NELL1: variants seen among roughly 807,000 people sequenced by gnomAD.
NELL1 encodes the protein protein kinase C-binding protein NELL1.
A neutral mutation model predicts 107.4 loss-of-function variants in NELL1; 76 were observed. The observed-to-expected ratio is 0.71, with a 90% confidence interval of 0.59 to 0.86. NELL1 has a LOEUF of 0.86. Ranked by LOEUF, NELL1 falls within the 40% of genes least tolerant of loss-of-function variation. The pLI is 0.00. For missense variants in NELL1, 1,024 were observed against 1,005.5 expected (o/e 1.02, Z -0.25); for synonymous variants, 353 against 341.2 (o/e 1.03, Z -0.38).
chr11:21,006,735 TA>T (rs1852335507), intron 12 of NELL1, among the ~76,000 whole-genome samples: 1 of 152,110 alleles, frequency 6.6e-6, no homozygotes, highest in Admixed American at 6.6e-5. Flanking sequence ...ACATCATGTT[TA>T]TCTGAGAGCT....
chr11:20,879,734 T>A (rs1312560927), intron 4 of NELL1, among the ~76,000 whole-genome samples: 1 of 152,306 alleles, frequency 6.6e-6, no homozygotes, highest in African/African-American at 2.4e-5. Flanking sequence ...AATAAAACTT[T>A]TATAAATGTC....
intron 14 of NELL1, among the ~76,000 whole-genome samples, chr11:21,338,582 A>T (rs1297387582): frequency 6.6e-6 from 1 of 152,102 alleles, no homozygotes; most frequent in African/African-American, 2.4e-5. Context: ...TTTCATGAGG[A>T]TTTACCCCAG....
chr11:21,055,940 G>T (rs113504400), intron 12 of NELL1, among the ~76,000 whole-genome samples: 58 of 152,270 alleles, frequency 3.8e-4, no homozygotes, highest in African/African-American at 1.3e-3. Context: ...CTTCCACTCT[G>T]TATACTTTGG....
intron 15 of NELL1, among the ~76,000 whole-genome samples, chr11:21,523,090 G>A (rs991141594): frequency 1.4e-4 from 21 of 151,762 alleles, no homozygotes; most frequent in East Asian, 3.9e-4. Flanking sequence ...CTCGTGATCC[G>A]CCCGCCTCGG....
In NELL1 at chr11:21,041,305, C is replaced by T. The variant is rs190922043; in HGVS notation, c.1301-72284C>T. 1.5e-4 allele frequency among the ~76,000 whole-genome samples: 23 copies of T among 152,236 alleles called. No homozygotes were observed. The East Asian group carries it at 4.1e-3, about 27-fold the overall frequency. The stretch of plus-strand genomic sequence containing the variant: ...GCGTAGTCGCTTTGAGTTAACACAA[C>T]ATAGTTAATTGTTAATAAAAATAGT... On this transcript the variant is annotated intron_variant, in intron 12 of 19. Coordinates refer to ENST00000357134, the MANE Select transcript of NELL1 (RefSeq NM_006157.5).
chr11:21,207,960 T>C (rs1227503234), intron 13 of NELL1, among the ~76,000 whole-genome samples: 1 of 152,212 alleles, frequency 6.6e-6, no homozygotes, highest in Non-Finnish European at 1.5e-5. Flanking sequence ...ACATAGATCA[T>C]AAAAAGGTTA....
chr11:21,530,504 T>G (rs1490130723), intron 15 of NELL1, among the ~76,000 whole-genome samples: 1 of 152,114 alleles, frequency 6.6e-6, no homozygotes, highest in Non-Finnish European at 1.5e-5. Context: ...CCTTGGGTAT[T>G]CGTCTGTTTC....
intron 15 of NELL1, among the ~76,000 whole-genome samples, chr11:21,440,400 T>C (rs924658206): frequency 5.9e-5 from 9 of 152,146 alleles, no homozygotes; most frequent in African/African-American, 1.9e-4. Context: ...GTTAGTTAAT[T>C]AAAGTATTTA....
chr11:21,027,998 G>T (rs1852859779), intron 12 of NELL1, among the ~76,000 whole-genome samples: 1 of 152,104 alleles, frequency 6.6e-6, no homozygotes, highest in African/African-American at 2.4e-5. Context: ...AAAAAGTTAG[G>T]TGTATTCAAG....
intron 3 of NELL1, among the ~76,000 whole-genome samples, chr11:20,796,729 T>C (rs1857176010): frequency 1.3e-5 from 2 of 152,150 alleles, no homozygotes; most frequent in African/African-American, 4.8e-5. Flanking sequence ...TGGTCATAGA[T>C]GCTGGGCTAC....
chr11:21,159,043 C>T (rs549923515), intron 13 of NELL1, among the ~76,000 whole-genome samples: 1 of 152,176 alleles, frequency 6.6e-6, no homozygotes, highest in African/African-American at 2.4e-5. Context: ...GTTCTAATGA[C>T]TTTCTTATTA....
At chr11:21,115,934 G>A (rs1319387437) in intron 13 of NELL1, among the ~76,000 whole-genome samples, 1 of 151,688 alleles carries the variant, frequency 6.6e-6, no homozygotes, top group Admixed American at 6.6e-5. Context: ...TCTTTAAAAA[G>A]CCTTCCTTTG....
chr11:20,891,230 T>G (rs1849610987), intron 5 of NELL1, among the ~76,000 whole-genome samples: 1 of 152,134 alleles, frequency 6.6e-6, no homozygotes, highest in African/African-American at 2.4e-5. Context: ...AGAAAAGAAT[T>G]TTCAACCCAG....
intron 15 of NELL1, among the ~76,000 whole-genome samples, chr11:21,485,585 T>C (rs888046362): frequency 7.9e-5 from 12 of 151,756 alleles, no homozygotes; most frequent in Non-Finnish European, 1.6e-4. Flanking sequence ...CGAGCTGCTG[T>C]AGGACCGAGG....
chr11:20,674,407 T>A (rs1853997903), intron 1 of NELL1: 21 of 1,079,396 alleles, frequency 1.9e-5, no homozygotes, highest in Non-Finnish European at 2.9e-5. Context: ...GAATATAGTT[T>A]CCCCGAGTCC....
chr11:21,373,039 G>C (rs968901962), intron 15 of NELL1, among the ~76,000 whole-genome samples: 2 of 152,046 alleles, frequency 1.3e-5, no homozygotes, highest in Non-Finnish European at 2.9e-5. Context: ...AGTTGACATG[G>C]AGAATTGCAT....
intron 17 of NELL1, among the ~76,000 whole-genome samples, chr11:21,563,621 A>T (rs1281248314): frequency 6.6e-6 from 1 of 152,038 alleles, no homozygotes; most frequent in African/African-American, 2.4e-5. Flanking sequence ...TTTAAAGTAT[A>T]TGGGAGGATA....
intron 2 of NELL1, among the ~76,000 whole-genome samples, chr11:20,709,312 GT>G (rs1855053969): frequency 6.6e-6 from 1 of 152,010 alleles, no homozygotes; most frequent in African/African-American, 2.4e-5. Context: ...TCCCTACTTT[GT>G]ATTTTTGTTT....
chr11:21,203,472 T>A (rs2133851047), intron 13 of NELL1, among the ~76,000 whole-genome samples: 1 of 144,058 alleles, frequency 6.9e-6, no homozygotes, highest in Non-Finnish European at 1.5e-5. Flanking sequence ...GCGTGGTAAA[T>A]ATTCCTCCAT....
Sources: allele counts gnomAD v4.1 joint callset (sites outside exome capture counted in the v4.1 genomes callset), GRCh38; gene constraint gnomAD v4.1.1; transcripts MANE v1.5; gene names NCBI Gene and HGNC (gene_info 2026-07-23, HGNC 2026-07-21).